Variants in RNF220 observed in about 807,000 individuals in gnomAD.
RNF220 encodes ring finger protein 220.
In RNF220, 7 loss-of-function variants were observed where a neutral mutation model predicts 67.1. The ratio of observed to expected loss-of-function variants is 0.10; its 90% CI spans 0.06 to 0.20. The LOEUF (loss-of-function observed/expected upper bound fraction) is 0.20, where lower values mean the gene tolerates loss of function less well. Among genes scored for constraint, RNF220 ranks in the 10% least tolerant of loss-of-function variants. The pLI is 1.00. For missense variants in RNF220, 565 were observed against 740.3 expected (o/e 0.76, Z 2.75); for synonymous variants, 270 against 283.2 (o/e 0.95, Z 0.47).
At chr1:44,607,924 A>G (rs1283034502) in intron 2 of RNF220, among the ~76,000 whole-genome samples, 1 of 112,288 alleles carries the variant, frequency 8.9e-6, no homozygotes, top group South Asian at 2.9e-4. Context: ...AGTTCTGTGT[A>G]CTTTTTTTTT....
intron 2 of RNF220, among the ~76,000 whole-genome samples, chr1:44,416,278 G>T (rs556623582): frequency 7.9e-5 from 12 of 152,278 alleles, no homozygotes; most frequent in African/African-American, 2.9e-4. Flanking sequence ...CATTGTCCAG[G>T]GAAATAATGC....
chr1:44,441,945 T>C (rs2147899670), intron 2 of RNF220, among the ~76,000 whole-genome samples: 1 of 152,310 alleles, frequency 6.6e-6, no homozygotes, highest in South Asian at 2.1e-4. Flanking sequence ...GAATAAGTTA[T>C]ATGGTATAGT....
At chr1:44,647,096 T>C (rs1573195900) in intron 12 of RNF220, among the ~76,000 whole-genome samples, 1 of 152,148 alleles carries the variant, frequency 6.6e-6, no homozygotes, top group East Asian at 1.9e-4. Flanking sequence ...TGGCCTTCAG[T>C]GGGGCCTTGT....
At chr1:44,547,849 C>T (rs1662294131) in intron 2 of RNF220, among the ~76,000 whole-genome samples, 1 of 152,158 alleles carries the variant, frequency 6.6e-6, no homozygotes, top group African/African-American at 2.4e-5. Flanking sequence ...TTGTCATCCT[C>T]TCAGTTATCC....
chr1:44,559,363 C>T (rs1400718984), intron 2 of RNF220, among the ~76,000 whole-genome samples: 2 of 152,232 alleles, frequency 1.3e-5, no homozygotes, highest in Admixed American at 1.3e-4. Flanking sequence ...TGCCAGGTTT[C>T]CCTGTGCTAA....
intron 2 of RNF220, among the ~76,000 whole-genome samples, chr1:44,438,146 C>G (rs1651170204): frequency 1.3e-5 from 2 of 152,068 alleles, no homozygotes; most frequent in South Asian, 2.1e-4. Flanking sequence ...TTTGAGACAG[C>G]ATTTTGCTCA....
intron 2 of RNF220, among the ~76,000 whole-genome samples, chr1:44,440,324 C>G (rs1651419902): frequency 6.6e-6 from 1 of 152,032 alleles, no homozygotes; most frequent in Non-Finnish European, 1.5e-5. Context: ...TTGATGCATT[C>G]AGGGAACTGA....
rs374032875 is a variant in RNF220, at chr1:44,432,831, A to G, written c.625+20109A>G. On this transcript the variant is annotated intron_variant, in intron 2 of 14. Transcript: ENST00000361799. ...CTCCCCACAGAAATATTTTGTTGGT[A>G]TAAGTTTGAAAAAAATGCTGTGGTT... 3.3e-5 allele frequency among the ~76,000 whole-genome samples: 5 copies of G among 151,470 alleles called. No homozygotes were observed. The East Asian group carries it at 7.8e-4, about 24-fold the overall frequency.
chr1:44,569,052 C>G (rs1664244227), intron 2 of RNF220, among the ~76,000 whole-genome samples: 1 of 152,176 alleles, frequency 6.6e-6, no homozygotes, highest in Admixed American at 6.5e-5. Flanking sequence ...GCCCTTTAAA[C>G]AGACCTTGAG....
intron 1 of RNF220, 118 bp downstream of exon 1, chr1:44,405,648 G>A: frequency 3.8e-6 from 1 of 261,482 alleles, no homozygotes; most frequent in South Asian, 9.4e-5. Flanking sequence ...TAGGGATTCG[G>A]GCGGTTCCCT....
chr1:44,629,521 G>C (rs1163591427), intron 5 of RNF220, among the ~76,000 whole-genome samples: 2 of 152,098 alleles, frequency 1.3e-5, no homozygotes, highest in Admixed American at 1.3e-4. Context: ...CCAGTGTCTT[G>C]AGTGCTATGA....
intron 5 of RNF220, among the ~76,000 whole-genome samples, chr1:44,631,334 C>A (rs560214147): frequency 1.3e-5 from 2 of 152,356 alleles, no homozygotes. Flanking sequence ...TGTACACTTT[C>A]AGGATCTAGA....
In RNF220 at chr1:44,645,590, A is replaced by G; in HGVS notation, c.1445+102A>G. 9.0e-7 allele frequency: 1 copy of G among 1,108,246 alleles called. No individual in the cohort carries two copies. Among genetic ancestry groups the G allele is most frequent in the South Asian group, 1.4e-5 (1 of 72,700 alleles). 68.7% of individuals were successfully genotyped at this position (1,108,246 alleles called of 1,614,324 possible). A position where few individuals can be genotyped will look rare whatever the true frequency, so the allele number is the denominator to read the frequency against. Reference sequence around the variant, plus strand: ...GCTGCCAGGGCTTCTGGCCCTCCCAAGTGCAGCTCAGTGCTGCTGCCCTGG... The same window carrying G: ...GCTGCCAGGGCTTCTGGCCCTCCCAGGTGCAGCTCAGTGCTGCTGCCCTGG... On this transcript the variant is annotated intron_variant, in intron 12 of 14. Coordinates refer to ENST00000361799, the MANE Select transcript of RNF220 (RefSeq NM_018150.4). This position sits in a 1 kb window ranked among gnomAD's most constrained non-coding sequence, Gnocchi z 5.0.
intron 2 of RNF220, among the ~76,000 whole-genome samples, chr1:44,597,680 G>A (rs1041698509): frequency 3.3e-5 from 5 of 151,852 alleles, no homozygotes; most frequent in South Asian, 4.2e-4. Context: ...AGATGGCTCC[G>A]GCACACACGC....
At chr1:44,593,409 G>A (rs921981291) in intron 2 of RNF220, among the ~76,000 whole-genome samples, 1 of 152,152 alleles carries the variant, frequency 6.6e-6, no homozygotes, top group African/African-American at 2.4e-5. Context: ...CATATCTAAA[G>A]TGCTAAATAT....
chr1:44,569,523 T>C (rs945895910), intron 2 of RNF220, among the ~76,000 whole-genome samples: 1 of 152,242 alleles, frequency 6.6e-6, no homozygotes. Context: ...ACTTTACTAA[T>C]TGAGCTATCC....
intron 4 of RNF220, among the ~76,000 whole-genome samples, chr1:44,623,100 C>G (rs769053071): frequency 5.3e-5 from 8 of 152,040 alleles, no homozygotes; most frequent in Non-Finnish European, 1.0e-4. Context: ...GGTGAGAAGA[C>G]TCAAAGGAAG....
At chr1:44,474,311 G>T (rs1474375049) in intron 2 of RNF220, among the ~76,000 whole-genome samples, 1 of 151,526 alleles carries the variant, frequency 6.6e-6, no homozygotes, top group African/African-American at 2.4e-5. Context: ...GCAGGCGGAG[G>T]TTGCAGTAAG....
intron 2 of RNF220, among the ~76,000 whole-genome samples, chr1:44,474,709 C>T (rs1282476840): frequency 3.4e-5 from 5 of 148,546 alleles, no homozygotes; most frequent in South Asian, 2.1e-4. Context: ...ACCCTGTCTC[C>T]GAAAAAATAA....
Sources: gnomAD v4.1 joint callset for allele counts (sites outside exome capture counted in the v4.1 genomes callset) on GRCh38, gnomAD v4.1.1 for gene constraint, Gnocchi (gnomAD v3.1) non-coding constraint, MANE v1.5 for transcripts, NCBI Gene and HGNC (gene_info 2026-07-23, HGNC 2026-07-21) for gene names.